The following NTNG1 variants were observed in gnomAD, a reference collection of about 807,000 sequenced individuals.
NTNG1 encodes the protein netrin G1, also known as netrin-G1.
NTNG1 carries 16 observed loss-of-function variants against 54.0 expected under a neutral mutation model. That is an observed-to-expected ratio of 0.30 (90% CI 0.20 to 0.45). The LOEUF (loss-of-function observed/expected upper bound fraction) is 0.45, where lower values mean the gene tolerates loss of function less well. NTNG1 is among the 20% of genes least tolerant of loss of function. The pLI is 1.00. For synonymous variants in NTNG1, 255 were observed against 263.1 expected, an observed-to-expected ratio of 0.97 and a Z score of 0.30; for missense variants, 530 against 678.7, an observed-to-expected ratio of 0.78 and a Z score of 2.43.
intron 2 of NTNG1, among the ~76,000 whole-genome samples, chr1:107,258,699 T>G (rs1663097541): frequency 6.6e-6 from 1 of 152,196 alleles, no homozygotes; most frequent in African/African-American, 2.4e-5. Flanking sequence ...GGATTTGAAC[T>G]CAGGGTCCAT....
intron 2 of NTNG1, among the ~76,000 whole-genome samples, chr1:107,227,560 G>T (rs547734383): frequency 6.6e-6 from 1 of 152,100 alleles, no homozygotes; most frequent in South Asian, 2.1e-4. Flanking sequence ...TACTAGGTTC[G>T]CAGGCATCCA....
chr1:107,269,459 C>T (rs965531227), intron 2 of NTNG1, among the ~76,000 whole-genome samples: 65 of 152,136 alleles, frequency 4.3e-4, no homozygotes, highest in African/African-American at 1.6e-3. Context: ...TACTGCTTTC[C>T]GATATACAAT....
At chr1:107,147,966 A>G (rs1296835090) in intron 1 of NTNG1, 103 bp from the exon 2 acceptor site, 1 of 152,300 alleles carries the variant, frequency 6.6e-6, no homozygotes, top group Non-Finnish European at 1.5e-5. Context: ...TATTACACCA[A>G]TTTGCTTTAT....
At chr1:107,186,488 G>A (rs1197369200) in intron 2 of NTNG1, among the ~76,000 whole-genome samples, 1 of 152,142 alleles carries the variant, frequency 6.6e-6, no homozygotes. Context: ...GGCTCTGCAT[G>A]ATCCCTCCGA....
chr1:107,418,684 C>G, intron 5 of NTNG1: 1 of 1,393,388 alleles, frequency 7.2e-7, no homozygotes, highest in Non-Finnish European at 1.0e-6. Context: ...TAAAATCCCA[C>G]ATGTTTGGGG....
At chr1:107,407,599 T>C in intron 4 of NTNG1, 83 bp from the exon 5 acceptor site, 1 of 1,143,316 alleles carries the variant, frequency 8.7e-7, no homozygotes, top group South Asian at 1.5e-5. Context: ...GTGTCAAGTT[T>C]CTAAGATTTT....
At chr1:107,454,251 C>T (rs1157474638) in intron 7 of NTNG1, among the ~76,000 whole-genome samples, 1 of 152,152 alleles carries the variant, frequency 6.6e-6, no homozygotes, top group African/African-American at 2.4e-5. Flanking sequence ...ATCTGTTTAT[C>T]ATTTATCAGG....
At chr1:107,377,523 G>A (rs375097228) in intron 3 of NTNG1, among the ~76,000 whole-genome samples, 219 of 152,224 alleles carry the variant, frequency 1.4e-3, no homozygotes, top group African/African-American at 2.9e-3. Flanking sequence ...TAAGTCTGTC[G>A]AATCCACCAT....
At chr1:107,338,852 T>C (rs1030409151) in intron 3 of NTNG1, among the ~76,000 whole-genome samples, 2 of 137,278 alleles carry the variant, frequency 1.5e-5, no homozygotes, top group Non-Finnish European at 3.2e-5. Context: ...AACACAAAGA[T>C]AAAACAAAGT....
At chr1:107,238,746 GACTGTGAGGTCTCCCCAGCCATGTGGA>G (rs1661586570) in intron 2 of NTNG1, among the ~76,000 whole-genome samples, 1 of 151,610 alleles carries the variant, frequency 6.6e-6, no homozygotes, top group African/African-American at 2.4e-5. Flanking sequence ...CTTTCACCCT[GACTGTGAGGTCTCCCCAGCCATGTGGA>G]ACTGTGAGTC....
intron 2 of NTNG1, among the ~76,000 whole-genome samples, chr1:107,317,157 C>T (rs1471729179): frequency 6.6e-6 from 1 of 152,186 alleles, no homozygotes; most frequent in Non-Finnish European, 1.5e-5. Flanking sequence ...AATGCTCAAA[C>T]TATCTCTCAT....
At chr1:107,343,651 A>G (rs951399274) in intron 3 of NTNG1, among the ~76,000 whole-genome samples, 2 of 152,120 alleles carry the variant, frequency 1.3e-5, no homozygotes, top group African/African-American at 2.4e-5. Flanking sequence ...TGAACGAATT[A>G]TACAATGAAA....
chr1:107,228,595 G>A (rs200484895), intron 2 of NTNG1, among the ~76,000 whole-genome samples: 1 of 152,108 alleles, frequency 6.6e-6, no homozygotes, highest in East Asian at 1.9e-4. Context: ...ACTACTACAT[G>A]CCACCCTATG....
chr1:107,153,442 A>C lies in NTNG1; in HGVS notation c.246+4603A>C, dbSNP rs375881533. Reference sequence around the variant, plus strand: ...GAAACATAATTCAGTAAATGAATGAAGTTTTAGTAACAGTGACACCTTTCA... The same window carrying C: ...GAAACATAATTCAGTAAATGAATGACGTTTTAGTAACAGTGACACCTTTCA... On this transcript the variant is annotated intron_variant, in intron 2 of 7. Transcript: ENST00000370068. 6.6e-5 allele frequency among the ~76,000 whole-genome samples: 10 copies of C among 152,352 alleles called. No individual in the cohort carries two copies. In the South Asian group the frequency reaches 2.1e-3, roughly 32 times the overall value.
At chr1:107,419,454 T>C (rs1301366793) in intron 5 of NTNG1, among the ~76,000 whole-genome samples, 2 of 151,048 alleles carry the variant, frequency 1.3e-5, no homozygotes, top group Non-Finnish European at 3.0e-5. Flanking sequence ...TAGACAGAAA[T>C]GTGATTACGC....
At chr1:107,316,510 A>G (rs1667347166) in intron 2 of NTNG1, among the ~76,000 whole-genome samples, 1 of 152,296 alleles carries the variant, frequency 6.6e-6, no homozygotes, top group East Asian at 1.9e-4. Context: ...GGGTTTGAGC[A>G]CATACCTCCA....
intron 4 of NTNG1, among the ~76,000 whole-genome samples, chr1:107,405,210 G>GA (rs1419938561): frequency 6.6e-6 from 1 of 151,972 alleles, no homozygotes; most frequent in East Asian, 1.9e-4. Flanking sequence ...AGAAGCATTA[G>GA]AAAAAAATAA....
chr1:107,287,343 G>C (rs1210792817), intron 2 of NTNG1, among the ~76,000 whole-genome samples: 1 of 152,108 alleles, frequency 6.6e-6, no homozygotes, highest in Non-Finnish European at 1.5e-5. Flanking sequence ...TGTTGATTAG[G>C]TGTAACACAG....
chr1:107,437,364 A>G (rs571273396), intron 7 of NTNG1, among the ~76,000 whole-genome samples: 5 of 152,214 alleles, frequency 3.3e-5, no homozygotes, highest in Non-Finnish European at 5.9e-5. Context: ...GGAGCTGTGG[A>G]CAAATGCCAT....
Sources: allele counts gnomAD v4.1 joint callset (sites outside exome capture counted in the v4.1 genomes callset), GRCh38; gene constraint gnomAD v4.1.1; transcripts MANE v1.5; gene names NCBI Gene and HGNC (gene_info 2026-07-23, HGNC 2026-07-21).